Variants in NKAIN2 observed in about 807,000 individuals in gnomAD.
The protein encoded by NKAIN2 is sodium/potassium transporting ATPase interacting 2.
Under a neutral mutation model 32.6 loss-of-function variants are expected in NKAIN2, and 14 were observed. That is an observed-to-expected ratio of 0.43 (90% CI 0.28 to 0.67). The LOEUF (loss-of-function observed/expected upper bound fraction) is 0.67, where lower values mean the gene tolerates loss of function less well. NKAIN2 is among the 30% of genes least tolerant of loss of function. The pLI is 0.17. For synonymous variants in NKAIN2, 80 were observed against 87.2 expected (o/e 0.92, Z 0.46); for missense variants, 198 against 258.3 (o/e 0.77, Z 1.60).
chr6:124,667,160 G>A (rs530905489), intron 4 of NKAIN2, among the ~76,000 whole-genome samples: 20 of 152,164 alleles, frequency 1.3e-4, no homozygotes, highest in African/African-American at 4.3e-4. Flanking sequence ...TTATCAGGAT[G>A]CAATATATTT....
In NKAIN2 at chr6:124,716,461, C is replaced by T. The variant is rs558287575; in HGVS notation, c.474+58075C>T. Among the ~76,000 whole-genome samples, 2 of 152,204 alleles carry T rather than the reference C, an allele frequency of 1.3e-5. 1 individual carries two copies. The highest frequency in any genetic ancestry group is 1.3e-4 in the Admixed American group (2 of 15,286). ...TGAGATCATAGAGTGATGAGATGGACCCTTAGGAAACATGCCCTTGCCCCA... is the reference window on the plus strand; with the variant it reads ...TGAGATCATAGAGTGATGAGATGGATCCTTAGGAAACATGCCCTTGCCCCA... On this transcript the variant is annotated intron_variant, in intron 4 of 6. Transcript: ENST00000368417.
chr6:124,328,232 C>A lies in NKAIN2; in HGVS notation c.193-27035C>A, dbSNP rs1304261836. On this transcript the variant is annotated intron_variant, in intron 2 of 6. Coordinates refer to ENST00000368417, the MANE Select transcript of NKAIN2 (RefSeq NM_001040214.3). Reference sequence around the variant, plus strand: ...CAGATATTATTAATATATTACTGGACATTTGGAATATAAACCTTTAAAACC... The same window carrying A: ...CAGATATTATTAATATATTACTGGAAATTTGGAATATAAACCTTTAAAACC... Among the ~76,000 whole-genome samples the A allele has an allele frequency of 2.6e-5, 4 of 152,138 alleles. No individual in the cohort carries two copies. In the East Asian group the frequency reaches 5.8e-4, roughly 22 times the overall value.
intron 1 of NKAIN2, among the ~76,000 whole-genome samples, chr6:124,039,339 T>G (rs1379990787): frequency 6.6e-6 from 1 of 151,924 alleles, no homozygotes; most frequent in Non-Finnish European, 1.5e-5. Context: ...ATTTCAAGTG[T>G]TTTTAGAATT....
intron 1 of NKAIN2, among the ~76,000 whole-genome samples, chr6:123,959,101 G>T (rs1777727494): frequency 6.6e-6 from 1 of 152,130 alleles, no homozygotes; most frequent in African/African-American, 2.4e-5. Flanking sequence ...TGTGAGAGGG[G>T]TTTATATATG....
chr6:124,774,388 A>G (rs1304869684), intron 4 of NKAIN2, among the ~76,000 whole-genome samples: 1 of 152,164 alleles, frequency 6.6e-6, no homozygotes, highest in Admixed American at 6.5e-5. Context: ...ATCTGGAAGG[A>G]TGGCATTGTC....
chr6:124,767,230 A>G (rs1206012678), intron 4 of NKAIN2, among the ~76,000 whole-genome samples: 3 of 151,680 alleles, frequency 2.0e-5, no homozygotes, highest in African/African-American at 7.3e-5. Flanking sequence ...GTTTCATCCT[A>G]TGCTTAAGTA....
chr6:124,536,999 A>C (rs1025451617), intron 3 of NKAIN2, among the ~76,000 whole-genome samples: 11 of 152,166 alleles, frequency 7.2e-5, no homozygotes, highest in African/African-American at 2.7e-4. Context: ...AACCCAACCC[A>C]ACTAATGTAA....
At chr6:124,254,679 A>G (rs1219607052) in intron 1 of NKAIN2, among the ~76,000 whole-genome samples, 3 of 152,170 alleles carry the variant, frequency 2.0e-5, no homozygotes, top group Non-Finnish European at 4.4e-5. Flanking sequence ...CATTAAAACG[A>G]CACTAAAATT....
chr6:124,567,659 A>G lies in NKAIN2; in HGVS notation c.274-90527A>G, dbSNP rs531045624. Among the ~76,000 whole-genome samples the G allele has an allele frequency of 5.1e-4, 77 of 152,314 alleles. 2 individuals carry two copies. The South Asian group carries it at 7.0e-3, about 14-fold the overall frequency. On this transcript the variant is annotated intron_variant, in intron 3 of 6. Transcript: ENST00000368417. ...AGGAGCAGCTCTGCTGATCTCAGTG[A>G]GGATCACTCATGGTCTGCTGGTTGT...
intron 3 of NKAIN2, among the ~76,000 whole-genome samples, chr6:124,571,475 T>G (rs1053567297): frequency 6.6e-6 from 1 of 152,120 alleles, no homozygotes; most frequent in Non-Finnish European, 1.5e-5. Context: ...CTGTCCCCTG[T>G]TTTCATGATA....
intron 4 of NKAIN2, among the ~76,000 whole-genome samples, chr6:124,727,907 C>T (rs1424713232): frequency 6.8e-6 from 1 of 146,826 alleles, no homozygotes; most frequent in Non-Finnish European, 1.5e-5. Context: ...GGGTTGCAAT[C>T]CTAGTCTCTG....
At chr6:124,456,487 T>A (rs1776327303) in intron 3 of NKAIN2, among the ~76,000 whole-genome samples, 2 of 151,962 alleles carry the variant, frequency 1.3e-5, no homozygotes, top group South Asian at 4.1e-4. Context: ...CCTTTGTTCA[T>A]TTGCCAGTGC....
At chr6:123,933,356 A>C (rs1360177511) in intron 1 of NKAIN2, among the ~76,000 whole-genome samples, 1 of 152,168 alleles carries the variant, frequency 6.6e-6, no homozygotes, top group Non-Finnish European at 1.5e-5. Context: ...CATTTAACTT[A>C]TTTGCATAAA....
At chr6:124,029,795 G>A (rs917088899) in intron 1 of NKAIN2, among the ~76,000 whole-genome samples, 10 of 152,016 alleles carry the variant, frequency 6.6e-5, no homozygotes, top group Admixed American at 1.3e-4. Flanking sequence ...ATTTACAGCC[G>A]CTCCCCATTG....
intron 1 of NKAIN2, among the ~76,000 whole-genome samples, chr6:123,984,512 A>T (rs942460410): frequency 6.6e-6 from 1 of 152,174 alleles, no homozygotes; most frequent in Non-Finnish European, 1.5e-5. Context: ...AATATACTGT[A>T]ATATCAAAAA....
chr6:124,097,503 A>G (rs1157524847), intron 1 of NKAIN2, among the ~76,000 whole-genome samples: 14 of 152,124 alleles, frequency 9.2e-5, no homozygotes, highest in African/African-American at 3.4e-4. Flanking sequence ...TTAGATAGGC[A>G]TAGTACATAA....
intron 1 of NKAIN2, among the ~76,000 whole-genome samples, chr6:124,159,882 G>T (rs1788185905): frequency 6.6e-6 from 1 of 152,152 alleles, no homozygotes; most frequent in African/African-American, 2.4e-5. Context: ...ATTCTGAGCT[G>T]CAAACTAAAT....
chr6:124,357,817 G>GCACAAC (rs138318591), intron 3 of NKAIN2, among the ~76,000 whole-genome samples: 35,253 of 151,642 alleles, frequency 0.23, 4,112 homozygotes, highest in Admixed American at 0.3. Context: ...GGGTACATGT[G>GCACAAC]CACAACGTGC....
rs1244693562 is a variant in NKAIN2, at chr6:124,311,814, T to C, written c.192+28672T>C. 2.0e-5 allele frequency among the ~76,000 whole-genome samples: 3 copies of C among 152,192 alleles called. No homozygotes were observed. The East Asian group carries it at 5.8e-4, about 29-fold the overall frequency. ...ATTGCCTGTCTGATGAATCTATTCC[T>C]TTCACTTTGTTTTCCTGTTTATAAA... is the stretch of plus-strand genomic sequence containing the variant. On this transcript the variant is annotated intron_variant, in intron 2 of 6. Transcript: ENST00000368417.
Sources: allele counts gnomAD v4.1 joint callset (sites outside exome capture counted in the v4.1 genomes callset), GRCh38; gene constraint gnomAD v4.1.1; transcripts MANE v1.5; gene names NCBI Gene and HGNC (gene_info 2026-07-23, HGNC 2026-07-21).